The following GLRA1 variants were observed in gnomAD, a reference collection of about 807,000 sequenced individuals.
GLRA1 encodes glycine receptor subunit alpha-1.
A neutral mutation model predicts 48.3 loss-of-function variants in GLRA1; 37 were observed. That is an observed-to-expected ratio of 0.77 (90% CI 0.59 to 1.01). GLRA1 has a LOEUF of 1.01. Ranked by LOEUF, GLRA1 falls within the 50% of genes least tolerant of loss-of-function variation. GLRA1 has a pLI of 0.00. For missense variants in GLRA1, 427 were observed against 571.0 expected (o/e 0.75, Z 2.57); for synonymous variants, 196 against 210.7 (o/e 0.93, Z 0.60).
intron 2 of GLRA1, among the ~76,000 whole-genome samples, chr5:151,890,063 T>C (rs1026464395): frequency 1.3e-5 from 2 of 152,150 alleles, no homozygotes; most frequent in African/African-American, 4.8e-5. Context: ...TAAAATTTTA[T>C]TTCTTAAAAA....
intron 7 of GLRA1, among the ~76,000 whole-genome samples, chr5:151,835,358 G>C (rs1763546939): frequency 6.6e-6 from 1 of 152,138 alleles, no homozygotes. Context: ...AGAGGAGCTG[G>C]TACCATTCAT....
intron 1 of GLRA1, among the ~76,000 whole-genome samples, chr5:151,915,779 A>G (rs1754723649): frequency 6.6e-6 from 1 of 151,802 alleles, no homozygotes; most frequent in Non-Finnish European, 1.5e-5. Context: ...AAAGGGACCT[A>G]GAGGTCATTA....
At chr5:151,827,050 A>C (rs1439699868) in intron 8 of GLRA1, among the ~76,000 whole-genome samples, 2 of 88,864 alleles carry the variant, frequency 2.3e-5, no homozygotes, top group Admixed American at 1.1e-4. Context: ...TTTTTTTGAG[A>C]CAAAGTCACT....
intron 3 of GLRA1, among the ~76,000 whole-genome samples, chr5:151,879,302 C>G (rs1345105428): frequency 1.3e-5 from 2 of 150,436 alleles, no homozygotes; most frequent in Non-Finnish European, 2.9e-5. Flanking sequence ...CCTGTACCCC[C>G]ATTGTATCTA....
At chr5:151,862,123 A>G (rs1385612398) in intron 3 of GLRA1, among the ~76,000 whole-genome samples, 1 of 152,150 alleles carries the variant, frequency 6.6e-6, no homozygotes, top group Admixed American at 6.6e-5. Context: ...CAGAAATAAT[A>G]CCACACATCT....
chr5:151,895,986 A>AT (rs1754218672), intron 1 of GLRA1, among the ~76,000 whole-genome samples: 2 of 152,300 alleles, frequency 1.3e-5, no homozygotes, highest in South Asian at 4.1e-4. Context: ...TTGGGAACAT[A>AT]GTACTCCCTC....
Position 151,924,513 on chromosome 5 carries a change from C to G in GLRA1, c.37G>C (p.Glu13Gln). ...GCATACCTGAAGAATACAATGGTCT[C>G]CCAAAGGTAGAGTCGAAGAGTATTG... ...SFNTLRLYLW[E>Q]TIVFFSLAAS... Residue 13 changes from glutamate to glutamine, a missense_variant, in exon 1 of 9, where the codon GAG becomes CAG. Coordinates refer to ENST00000274576, the MANE Select transcript of GLRA1 (RefSeq NM_000171.4). The G allele has an allele frequency of 6.2e-7, 1 of 1,603,770 alleles. No homozygotes were observed. Among genetic ancestry groups the G allele is most frequent in the Non-Finnish European group, 8.5e-7 (1 of 1,170,574 alleles).
intron 8 of GLRA1, among the ~76,000 whole-genome samples, chr5:151,824,675 G>A (rs1763226972): frequency 6.6e-6 from 1 of 151,992 alleles, no homozygotes; most frequent in Admixed American, 6.5e-5. Context: ...CCTTCTCTGA[G>A]CTCCCAAGTA....
chr5:151,910,769 G>C (rs1754588302), intron 1 of GLRA1, among the ~76,000 whole-genome samples: 1 of 152,174 alleles, frequency 6.6e-6, no homozygotes, highest in Non-Finnish European at 1.5e-5. Context: ...GGCACCTTGA[G>C]GGTGGAGTTG....
intron 8 of GLRA1, among the ~76,000 whole-genome samples, chr5:151,823,804 A>G (rs1763205042): frequency 6.6e-6 from 1 of 151,066 alleles, no homozygotes; most frequent in African/African-American, 2.4e-5. Context: ...CACTACCAAA[A>G]TGCCTGCTGC....
At chr5:151,915,249 G>A (rs1581665833) in intron 1 of GLRA1, among the ~76,000 whole-genome samples, 1 of 152,168 alleles carries the variant, frequency 6.6e-6, no homozygotes. Flanking sequence ...ATGAGTTGTT[G>A]CAGTTGGGGC....
Position 151,902,222 on chromosome 5 carries a change from C to G in GLRA1, c.57-9784G>C, listed in dbSNP as rs192697158. Among the ~76,000 whole-genome samples the G allele has an allele frequency of 5.9e-5, 9 of 152,174 alleles. No homozygotes were observed. In the East Asian group the frequency reaches 1.7e-3, roughly 29 times the overall value. On this transcript the variant is annotated intron_variant, in intron 1 of 8. Coordinates refer to ENST00000274576, the MANE Select transcript of GLRA1 (RefSeq NM_000171.4). ...CAGCGCTGTGACAACATCTCCATGT[C>G]CAGGTGATGACACTGAGGCTCGATT...
rs574091691 is a variant in GLRA1, at chr5:151,861,444, T to C, written c.253-1436A>G. 3.0e-4 allele frequency among the ~76,000 whole-genome samples: 45 copies of C among 152,368 alleles called. No homozygotes were observed. In the East Asian group the frequency reaches 8.5e-3, roughly 29 times the overall value. ...CTAACTGGTGTGAGATGGTATCTCATTGTGGTTTTGATTTGCATTTCTCTG... is the reference window on the plus strand; with the variant it reads ...CTAACTGGTGTGAGATGGTATCTCACTGTGGTTTTGATTTGCATTTCTCTG... On this transcript the variant is annotated intron_variant, in intron 3 of 8. Transcript: ENST00000274576.
At chr5:151,893,711 A>C (rs2113420714) in intron 1 of GLRA1, among the ~76,000 whole-genome samples, 1 of 152,274 alleles carries the variant, frequency 6.6e-6, no homozygotes, top group South Asian at 2.1e-4. Context: ...ATGGCTGCAT[A>C]GTATTCCATG....
chr5:151,892,191 A>T, intron 2 of GLRA1, 120 bp downstream of exon 2: 1 of 921,864 alleles, frequency 1.1e-6, no homozygotes, highest in Non-Finnish European at 1.8e-6. Context: ...TGCCTTGGGT[A>T]GAGGAAAGAG....
At chr5:151,832,494 G>C (rs1310328289) in intron 7 of GLRA1, among the ~76,000 whole-genome samples, 1 of 152,176 alleles carries the variant, frequency 6.6e-6, no homozygotes, top group South Asian at 2.1e-4. Flanking sequence ...CAAGAACTTC[G>C]TGAAGCATAC....
chr5:151,919,286 C>T (rs910612539), intron 1 of GLRA1, among the ~76,000 whole-genome samples: 10 of 152,008 alleles, frequency 6.6e-5, no homozygotes, highest in Non-Finnish European at 1.3e-4. Flanking sequence ...AAAACAAAAA[C>T]ATAGGCTTTA....
intron 4 of GLRA1, among the ~76,000 whole-genome samples, chr5:151,857,728 G>A (rs1427105763): frequency 6.6e-6 from 1 of 152,200 alleles, no homozygotes; most frequent in Admixed American, 6.5e-5. Context: ...CAGAACCAGA[G>A]GGAGTCCTCT....
chr5:151,886,667 T>A (rs1753913960), intron 3 of GLRA1, 54 bp downstream of exon 3: 1 of 1,295,174 alleles, frequency 7.7e-7, no homozygotes, highest in African/African-American at 1.5e-5. Context: ...GATAAATATT[T>A]CATGGAGAGA....
Sources: allele counts gnomAD v4.1 joint callset (sites outside exome capture counted in the v4.1 genomes callset), GRCh38; gene constraint gnomAD v4.1.1; transcripts MANE v1.5; gene names NCBI Gene and HGNC (gene_info 2026-07-23, HGNC 2026-07-21).